Variants in ADGRB3 observed in about 807,000 individuals in gnomAD.
ADGRB3 encodes the protein adhesion G protein-coupled receptor B3.
In ADGRB3, 37 loss-of-function variants were observed where a neutral mutation model predicts 193.4. That is an observed-to-expected ratio of 0.19 (90% CI 0.15 to 0.25). The LOEUF (loss-of-function observed/expected upper bound fraction) is 0.25, where lower values mean the gene tolerates loss of function less well. Among genes scored for constraint, ADGRB3 ranks in the 10% least tolerant of loss-of-function variants. ADGRB3 has a pLI of 1.00. For synonymous variants in ADGRB3, 690 were observed against 644.2 expected, an observed-to-expected ratio of 1.07 and a Z score of -1.08; for missense variants, 1,637 against 1,852.9, an observed-to-expected ratio of 0.88 and a Z score of 2.14.
chr6:68,763,033 A>G (rs1406427974), intron 3 of ADGRB3, among the ~76,000 whole-genome samples: 1 of 152,136 alleles, frequency 6.6e-6, no homozygotes, highest in East Asian at 1.9e-4. Context: ...TAATACTATA[A>G]CAACTAGTTG....
At chr6:68,744,137 A>G (rs2127343442) in intron 3 of ADGRB3, among the ~76,000 whole-genome samples, 1 of 152,210 alleles carries the variant, frequency 6.6e-6, no homozygotes, top group African/African-American at 2.4e-5. Flanking sequence ...AATGAAGGAA[A>G]AGAAGAAAAC....
chr6:69,307,195 T>C (rs2127298907), intron 20 of ADGRB3, among the ~76,000 whole-genome samples: 1 of 151,662 alleles, frequency 6.6e-6, no homozygotes, highest in African/African-American at 2.4e-5. Flanking sequence ...TTGACTGTTT[T>C]ATTTGACTCT....
intron 3 of ADGRB3, among the ~76,000 whole-genome samples, chr6:68,779,592 C>G (rs372330382): frequency 6.6e-6 from 1 of 152,052 alleles, no homozygotes; most frequent in Admixed American, 6.6e-5. Flanking sequence ...GTATGTCTGC[C>G]TCCGACTTTC....
intron 13 of ADGRB3, among the ~76,000 whole-genome samples, chr6:69,031,001 C>T (rs56410835): frequency 0.23 from 12,489 of 53,656 alleles, 3,321 homozygotes; most frequent in Middle Eastern, 0.49. Context: ...CTTTCTTTTC[C>T]TTTCTTTTCT....
chr6:68,853,468 T>A (rs975781674), intron 3 of ADGRB3, among the ~76,000 whole-genome samples: 1 of 152,066 alleles, frequency 6.6e-6, no homozygotes, highest in Non-Finnish European at 1.5e-5. Context: ...AAAAACAGGT[T>A]TTCATTACTG....
chr6:69,365,904 A>G (rs1212764856), intron 29 of ADGRB3, among the ~76,000 whole-genome samples: 1 of 152,104 alleles, frequency 6.6e-6, no homozygotes, highest in African/African-American at 2.4e-5. Flanking sequence ...AAAACCTTTG[A>G]AATTGTAAGA....
At chr6:69,266,026 C>T (rs561971328) in intron 20 of ADGRB3, among the ~76,000 whole-genome samples, 15 of 151,962 alleles carry the variant, frequency 9.9e-5, no homozygotes, top group South Asian at 2.1e-4. Context: ...GGAGAACTTA[C>T]AAGAGCTTTC....
chr6:68,843,648 A>T (rs1341688044), intron 3 of ADGRB3, among the ~76,000 whole-genome samples: 2 of 142,166 alleles, frequency 1.4e-5, no homozygotes, highest in Non-Finnish European at 3.1e-5. Flanking sequence ...CAATGACAAT[A>T]TTCATAGAAA....
At position 68,661,538 on chromosome 6, in the gene ADGRB3, C is replaced by CATATATATATATATAT. The variant is rs66836065; in HGVS notation, c.757+22124_757+22139dup. 6.4e-4 allele frequency among the ~76,000 whole-genome samples: 59 copies of CATATATATATATATAT among 91,810 alleles called. 4 individuals carry two copies. The highest frequency in any genetic ancestry group is 4.2e-3 in the South Asian group (8 of 1,916). The allele number at this position is 91,810 out of a possible 152,430, so 60.2% of individuals were successfully genotyped here. ...GTGTATACATATATATATGTGTATA[C>CATATATATATATATAT]ATATATATATATATATATATATATA... is the stretch of plus-strand genomic sequence containing the variant. On this transcript the variant is annotated intron_variant, in intron 3 of 31. Coordinates refer to ENST00000370598, the MANE Select transcript of ADGRB3 (RefSeq NM_001704.3).
At chr6:68,932,481 A>G (rs1340494495) in intron 4 of ADGRB3, among the ~76,000 whole-genome samples, 1 of 152,130 alleles carries the variant, frequency 6.6e-6, no homozygotes, top group Non-Finnish European at 1.5e-5. Context: ...ATAAATATTT[A>G]TTCTTTTATT....
chr6:69,310,070 A>C (rs1465728058), intron 20 of ADGRB3, among the ~76,000 whole-genome samples: 3 of 151,718 alleles, frequency 2.0e-5, no homozygotes, highest in Non-Finnish European at 4.4e-5. Context: ...CAGCTCATCC[A>C]CATTACTTTA....
At chr6:68,889,950 T>G (rs1443846507) in intron 3 of ADGRB3, among the ~76,000 whole-genome samples, 1 of 152,190 alleles carries the variant, frequency 6.6e-6, no homozygotes, top group Non-Finnish European at 1.5e-5. Context: ...TATAGGTATA[T>G]AAAAAGTAGT....
intron 20 of ADGRB3, among the ~76,000 whole-genome samples, chr6:69,253,347 A>G (rs1487390602): frequency 6.6e-6 from 1 of 152,086 alleles, no homozygotes; most frequent in Non-Finnish European, 1.5e-5. Context: ...TATACAAAAA[A>G]GTGTGTTGCA....
intron 17 of ADGRB3, among the ~76,000 whole-genome samples, chr6:69,208,089 A>T (rs1011576141): frequency 6.6e-6 from 1 of 152,154 alleles, no homozygotes; most frequent in Non-Finnish European, 1.5e-5. Flanking sequence ...AGCCTTGGTA[A>T]GTGTTGACCA....
At chr6:68,802,143 C>G (rs2127371475) in intron 3 of ADGRB3, among the ~76,000 whole-genome samples, 1 of 152,006 alleles carries the variant, frequency 6.6e-6, no homozygotes, top group African/African-American at 2.4e-5. Flanking sequence ...AAATCCCAGG[C>G]TATTTCCTTT....
At chr6:68,886,570 C>A (rs1182603453) in intron 3 of ADGRB3, among the ~76,000 whole-genome samples, 1 of 152,042 alleles carries the variant, frequency 6.6e-6, no homozygotes, top group Non-Finnish European at 1.5e-5. Context: ...TAACCTCCAA[C>A]CAGAATATTG....
intron 17 of ADGRB3, among the ~76,000 whole-genome samples, chr6:69,181,554 G>A (rs780954018): frequency 2.6e-5 from 4 of 151,898 alleles, no homozygotes; most frequent in East Asian, 1.9e-4. Flanking sequence ...GAATTTTTTG[G>A]AGGCTTTTAT....
intron 20 of ADGRB3, among the ~76,000 whole-genome samples, chr6:69,275,357 TA>T (rs1013378451): frequency 4.6e-5 from 7 of 152,086 alleles, no homozygotes; most frequent in Admixed American, 3.9e-4. Flanking sequence ...TTATTTGCAT[TA>T]AAAAAACTAA....
At chr6:68,785,586 T>C (rs993253423) in intron 3 of ADGRB3, among the ~76,000 whole-genome samples, 23 of 152,094 alleles carry the variant, frequency 1.5e-4, no homozygotes, top group African/African-American at 5.6e-4. Flanking sequence ...TTCCAAGTCT[T>C]TGCTATTGTG....
Sources: allele counts gnomAD v4.1 joint callset (sites outside exome capture counted in the v4.1 genomes callset), GRCh38; gene constraint gnomAD v4.1.1; transcripts MANE v1.5; gene names NCBI Gene and HGNC (gene_info 2026-07-23, HGNC 2026-07-21).